TRIO: variants seen among roughly 807,000 people sequenced by gnomAD.
TRIO encodes triple functional domain protein.
A neutral mutation model predicts 351.9 loss-of-function variants in TRIO; 58 were observed. That is an observed-to-expected ratio of 0.16 (90% CI 0.13 to 0.21). TRIO has a LOEUF of 0.21. TRIO is among the 10% of genes least tolerant of loss of function. The pLI is 1.00. For missense variants in TRIO, 3,201 were observed against 4,027.8 expected (o/e 0.79, Z 5.56); for synonymous variants, 1,758 against 1,595.7 (o/e 1.10, Z -2.42).
intron 34 of TRIO, among the ~76,000 whole-genome samples, chr5:14,443,327 G>C (rs930345002): frequency 4.6e-5 from 7 of 152,240 alleles, no homozygotes; most frequent in Non-Finnish European, 1.0e-4. Flanking sequence ...TCGTGCATAT[G>C]CGTGTGTGTG....
chr5:14,330,801 C>T lies in TRIO; in HGVS notation c.1755C>T (p.His585=), dbSNP rs772672617. 1.2e-5 allele frequency: 20 copies of T among 1,613,976 alleles called. No individual in the cohort carries two copies. Among genetic ancestry groups the T allele is most frequent in the Admixed American group, 5.0e-5 (3 of 60,000 alleles). The part of the protein sequence containing the change: ...VQQVLDWIEN[H]GEAFLSKHTG... ...AGGTGCTAGACTGGATCGAGAACCA[C>T]GGAGAAGCATTTCTGAGCAAACATA... The change falls in exon 10 of 57, where the codon CAC becomes CAT. Residue 585 remains histidine, a synonymous_variant. Transcript: ENST00000344204.
intron 1 of TRIO, among the ~76,000 whole-genome samples, chr5:14,262,114 C>T (rs1561265039): frequency 1.3e-5 from 2 of 152,226 alleles, no homozygotes; most frequent in Non-Finnish European, 1.5e-5. Context: ...TGGCAGTCTG[C>T]TCAGTGAGAC....
intron 13 of TRIO, among the ~76,000 whole-genome samples, chr5:14,360,556 G>C (rs575510056): frequency 6.6e-6 from 1 of 152,212 alleles, no homozygotes. Flanking sequence ...CTTGTCTCTG[G>C]TTTAGAATTC....
chr5:14,456,207 C>T (rs1382483890), intron 34 of TRIO, among the ~76,000 whole-genome samples: 2 of 152,244 alleles, frequency 1.3e-5, no homozygotes, highest in African/African-American at 2.4e-5. Flanking sequence ...CTCTTGCAGG[C>T]GCTAGCCTGC....
intron 6 of TRIO, among the ~76,000 whole-genome samples, chr5:14,293,565 C>T (rs1737090334): frequency 6.6e-6 from 1 of 152,212 alleles, no homozygotes; most frequent in South Asian, 2.1e-4. Context: ...CTAGCTAGTT[C>T]TCCTGAGGCA....
rs76410189 is a variant in TRIO at position 14,353,107 on chromosome 5, G to C, written c.2047-5071G>C. ...AGTGACATATTTTGAACAATTGGTA[G>C]GAACCCGAATGTGTTTTGAAAAATA... On this transcript the variant is annotated intron_variant, in intron 11 of 56. Transcript: ENST00000344204. 5.4e-3 allele frequency among the ~76,000 whole-genome samples: 825 copies of C among 152,178 alleles called. 7 individuals are homozygous for C. The highest frequency in any genetic ancestry group is 0.019 in the African/African-American group (776 of 41,510).
Position 14,369,538 on chromosome 5 carries a change from G to T in TRIO, c.3216+15G>T. On this transcript the variant is annotated intron_variant, in intron 18 of 56. Transcript: ENST00000344204. The stretch of plus-strand genomic sequence containing the variant: ...CATTCCTGAAGGTAGGGGCAGCGCT[G>T]CGGGACAGTGCACCCATCAGAGGCT... The T allele has an allele frequency of 6.2e-7, 1 of 1,610,092 alleles. No homozygotes were observed. Among genetic ancestry groups the T allele is most frequent in the Admixed American group, 1.7e-5 (1 of 59,752 alleles).
intron 34 of TRIO, among the ~76,000 whole-genome samples, chr5:14,445,483 T>G (rs1013952339): frequency 1.3e-5 from 2 of 152,212 alleles, no homozygotes; most frequent in Non-Finnish European, 2.9e-5. Flanking sequence ...TGATGCTTCT[T>G]TTGTTGATAC....
At chr5:14,270,776 C>T (rs1470024908) in intron 1 of TRIO, 49 bp from the exon 2 acceptor site, 2 of 1,469,646 alleles carry the variant, frequency 1.4e-6, no homozygotes, top group South Asian at 1.1e-5. Context: ...AAGGAATTAA[C>T]TGTCACTCTG....
At chr5:14,152,574 C>A (rs1341327376) in intron 1 of TRIO, among the ~76,000 whole-genome samples, 1 of 152,086 alleles carries the variant, frequency 6.6e-6, no homozygotes, top group Non-Finnish European at 1.5e-5. Context: ...GTTTCACCAT[C>A]TTGGCCAGGC....
chr5:14,144,964 G>C (rs1160312676), intron 1 of TRIO, among the ~76,000 whole-genome samples: 1 of 152,128 alleles, frequency 6.6e-6, no homozygotes, highest in Non-Finnish European at 1.5e-5. Context: ...TTAGCGGGCC[G>C]GGCACGGGGC....
chr5:14,337,834 A>G (rs1249050552), intron 11 of TRIO, among the ~76,000 whole-genome samples: 1 of 152,138 alleles, frequency 6.6e-6, no homozygotes, highest in East Asian at 1.9e-4. Context: ...ACAGCAAACC[A>G]CTGGGACCCC....
In TRIO at chr5:14,359,528, C is replaced by T. The variant is rs774671945; in HGVS notation, c.2388C>T (p.Ile796=). 11 of 1,613,178 alleles carry T rather than the reference C, an allele frequency of 6.8e-6. No homozygotes were observed. Among genetic ancestry groups the T allele is most frequent in the Middle Eastern group, 1.7e-4 (1 of 6,000 alleles). Residue 796 remains isoleucine (I), a synonymous_variant, in exon 13 of 57, where the codon ATC becomes ATT. Coordinates refer to ENST00000344204, the MANE Select transcript of TRIO (RefSeq NM_007118.4). ...LQLRIFERDA[I]DIISDLESWN... ...TGCGCATCTTCGAGAGGGACGCCAT[C>T]GACGTGAGTGTCCCGCGGCTGGCGC...
At chr5:14,177,378 A>C (rs532758306) in intron 1 of TRIO, among the ~76,000 whole-genome samples, 23 of 152,244 alleles carry the variant, frequency 1.5e-4, no homozygotes, top group Non-Finnish European at 2.9e-4. Flanking sequence ...AGGTCTTTTT[A>C]GTGACATGCA....
intron 31 of TRIO, among the ~76,000 whole-genome samples, chr5:14,403,074 G>A (rs1748240945): frequency 1.3e-5 from 2 of 148,340 alleles, no homozygotes; most frequent in African/African-American, 4.9e-5. Context: ...TGCAGGTTGT[G>A]GTGAGGGTAC....
At chr5:14,219,161 T>G (rs758709146) in intron 1 of TRIO, among the ~76,000 whole-genome samples, 1 of 152,108 alleles carries the variant, frequency 6.6e-6, no homozygotes, top group African/African-American at 2.4e-5. Context: ...ATAAGAAACT[T>G]AAGTTTAAGG....
chr5:14,414,854 G>A (rs1749510723), intron 33 of TRIO, among the ~76,000 whole-genome samples: 1 of 152,226 alleles, frequency 6.6e-6, no homozygotes, highest in East Asian at 1.9e-4. Context: ...AACAGCTGCT[G>A]ATCAGCCCGA....
chr5:14,189,904 T>C (rs1468031501), intron 1 of TRIO, among the ~76,000 whole-genome samples: 2 of 152,046 alleles, frequency 1.3e-5, no homozygotes, highest in African/African-American at 4.8e-5. Context: ...TTATTTTTTG[T>C]AGAGATGGGG....
At chr5:14,250,356 C>T (rs1369379277) in intron 1 of TRIO, among the ~76,000 whole-genome samples, 1 of 152,214 alleles carries the variant, frequency 6.6e-6, no homozygotes, top group African/African-American at 2.4e-5. Context: ...CCTGCTCCCC[C>T]TGGCCAGGGC....
Sources: gnomAD v4.1 joint callset for allele counts (sites outside exome capture counted in the v4.1 genomes callset) on GRCh38, gnomAD v4.1.1 for gene constraint, MANE v1.5 for transcripts, NCBI Gene and HGNC (gene_info 2026-07-23, HGNC 2026-07-21) for gene names.